PDE10A: variants seen among roughly 807,000 people sequenced by gnomAD.
PDE10A encodes the protein phosphodiesterase 10A.
In PDE10A, 39 loss-of-function variants were observed where a neutral mutation model predicts 97.7. The observed-to-expected ratio is 0.40, with a 90% CI of 0.31 to 0.52. The LOEUF (loss-of-function observed/expected upper bound fraction) is 0.52, where lower values mean the gene tolerates loss of function less well. Ranked by LOEUF, PDE10A falls within the 20% of genes least tolerant of loss-of-function variation. PDE10A has a pLI of 0.56. For synonymous variants in PDE10A, 371 were observed against 376.8 expected, an observed-to-expected ratio of 0.98 and a Z score of 0.18; for missense variants, 731 against 1,047.8, an observed-to-expected ratio of 0.70 and a Z score of 4.17.
chr6:165,493,103 A>T (rs992125500), intron 2 of PDE10A, among the ~76,000 whole-genome samples: 1 of 152,162 alleles, frequency 6.6e-6, no homozygotes, highest in Non-Finnish European at 1.5e-5. Flanking sequence ...CAAAAAAATA[A>T]AATACTTAGG....
intron 1 of PDE10A, among the ~76,000 whole-genome samples, chr6:165,944,304 C>G (rs993720898): frequency 1.1e-4 from 17 of 152,186 alleles, no homozygotes; most frequent in African/African-American, 4.1e-4. Context: ...AACCATATCA[C>G]CGTCTCTTTA....
intron 1 of PDE10A, among the ~76,000 whole-genome samples, chr6:165,650,993 C>T (rs985829454): frequency 6.6e-6 from 1 of 152,208 alleles, no homozygotes; most frequent in Non-Finnish European, 1.5e-5. Flanking sequence ...ACCTCGGCCT[C>T]CCAAAGTGCT....
At chr6:165,785,348 A>G (rs1048255435) in intron 1 of PDE10A, among the ~76,000 whole-genome samples, 1 of 152,220 alleles carries the variant, frequency 6.6e-6, no homozygotes, top group African/African-American at 2.4e-5. Flanking sequence ...AATTTCTGAA[A>G]AAGCAGGGAC....
At chr6:165,597,140 G>A (rs990820851) in intron 1 of PDE10A, among the ~76,000 whole-genome samples, 1 of 151,980 alleles carries the variant, frequency 6.6e-6, no homozygotes. Flanking sequence ...CTCCTTTAAT[G>A]CAGGTATCCT....
chr6:165,884,851 G>A (rs1451500402), intron 1 of PDE10A, among the ~76,000 whole-genome samples: 1 of 152,168 alleles, frequency 6.6e-6, no homozygotes, highest in Non-Finnish European at 1.5e-5. Flanking sequence ...CAGCTGTGAG[G>A]GCTTCAGGGC....
At chr6:165,871,222 C>G (rs1428573625) in intron 1 of PDE10A, among the ~76,000 whole-genome samples, 2 of 152,090 alleles carry the variant, frequency 1.3e-5, no homozygotes, top group African/African-American at 4.8e-5. Flanking sequence ...TGTACAATTA[C>G]TATTTATCAA....
chr6:165,655,967 C>A lies in PDE10A; in HGVS notation c.865+5980G>T, dbSNP rs1456901658. Among the ~76,000 whole-genome samples, 2 of 152,018 alleles carry A rather than the reference C, an allele frequency of 1.3e-5. No individual in the cohort carries two copies. Among genetic ancestry groups the A allele is most frequent in the Non-Finnish European group, 1.5e-5 (1 of 68,010 alleles). On this transcript the variant is annotated intron_variant, in intron 1 of 21. Coordinates refer to ENST00000539869, the MANE Select transcript of PDE10A (RefSeq NM_001385079.1). This position sits in a 1 kb window ranked among gnomAD's most constrained non-coding sequence, Gnocchi z 4.5. ...TCACTCAGAGGCCATTTCTACTGCC[C>A]CTGTGAAGAGAGACCTGCACAGAAC...
At chr6:165,609,600 T>C (rs1434484373) in intron 1 of PDE10A, among the ~76,000 whole-genome samples, 2 of 152,218 alleles carry the variant, frequency 1.3e-5, no homozygotes, top group Non-Finnish European at 2.9e-5. Context: ...ATTGTATATC[T>C]AGAAAACCCC....
chr6:165,765,025 C>T (rs991307423), intron 1 of PDE10A, among the ~76,000 whole-genome samples: 2 of 152,180 alleles, frequency 1.3e-5, no homozygotes, highest in African/African-American at 2.4e-5. Flanking sequence ...CAAAGGTTCT[C>T]CAAGGCCCCA....
At chr6:165,358,762 T>C (rs1196958540) in intron 18 of PDE10A, among the ~76,000 whole-genome samples, 1 of 151,946 alleles carries the variant, frequency 6.6e-6, no homozygotes, top group Non-Finnish European at 1.5e-5. Flanking sequence ...CCTCTTGTCC[T>C]GCTTCCCTGT....
chr6:165,499,139 G>A (rs989086141), intron 2 of PDE10A, among the ~76,000 whole-genome samples: 6 of 152,152 alleles, frequency 3.9e-5, no homozygotes, highest in African/African-American at 7.2e-5. Context: ...CATCTAACAA[G>A]GCAGGCAGAG....
rs57547290 is a variant in PDE10A at position 165,686,130 on chromosome 6, GACACACACACACAC to G, written c.-614-142576_-614-142563del. ...TTCTTCCCAATCTTAAATGTGCATG[GACACACACACACAC>G]ACACACACACACACACACACACACA... On this transcript the variant is annotated intron_variant, in intron 1 of 19. Coordinates refer to the PDE10A transcript ENST00000366882. 4.5e-3 allele frequency among the ~76,000 whole-genome samples: 659 copies of G among 145,398 alleles called. 5 individuals carry two copies. The highest frequency in any genetic ancestry group is 0.014 in the African/African-American group (536 of 38,888).
intron 1 of PDE10A, among the ~76,000 whole-genome samples, chr6:165,954,107 T>C (rs1172471778): frequency 6.6e-6 from 1 of 152,250 alleles, no homozygotes; most frequent in Admixed American, 6.5e-5. Flanking sequence ...TGCTGGATAA[T>C]ATTCCACTGT....
chr6:165,589,507 T>A (rs894296683), intron 1 of PDE10A, among the ~76,000 whole-genome samples: 1 of 152,232 alleles, frequency 6.6e-6, no homozygotes, highest in African/African-American at 2.4e-5. Context: ...TAGAACCTTT[T>A]TTTAAACTTT....
chr6:165,389,283 G>A (rs1785516858), intron 16 of PDE10A, among the ~76,000 whole-genome samples: 1 of 152,210 alleles, frequency 6.6e-6, no homozygotes, highest in Non-Finnish European at 1.5e-5. Flanking sequence ...TCTGGCAACT[G>A]TGTGGAAAAC....
chr6:165,872,217 G>A (rs946321495), intron 1 of PDE10A, among the ~76,000 whole-genome samples: 2 of 152,116 alleles, frequency 1.3e-5, no homozygotes, highest in Non-Finnish European at 2.9e-5. Flanking sequence ...CATTTTATTT[G>A]TAAGAAAGAT....
chr6:165,587,587 T>A (rs932455261), intron 1 of PDE10A, among the ~76,000 whole-genome samples: 44 of 152,330 alleles, frequency 2.9e-4, no homozygotes, highest in African/African-American at 9.9e-4. Context: ...TTAAGTTAGA[T>A]GCAGAAGAGA....
chr6:165,632,860 C>T (rs1045622874), intron 1 of PDE10A, among the ~76,000 whole-genome samples: 1 of 152,086 alleles, frequency 6.6e-6, no homozygotes, highest in African/African-American at 2.4e-5. Flanking sequence ...GATCATTTTG[C>T]CTATTAGAGC....
chr6:165,657,413 T>C (rs191390744), intron 1 of PDE10A, among the ~76,000 whole-genome samples: 444 of 152,402 alleles, frequency 2.9e-3, no homozygotes, highest in Non-Finnish European at 3.7e-3. Context: ...GTTTTCCTTT[T>C]AAGGGAAAAT....
Sources: gnomAD v4.1 joint callset for allele counts (sites outside exome capture counted in the v4.1 genomes callset) on GRCh38, gnomAD v4.1.1 for gene constraint, Gnocchi (gnomAD v3.1) non-coding constraint, MANE v1.5 for transcripts, NCBI Gene and HGNC (gene_info 2026-07-23, HGNC 2026-07-21) for gene names.